SSBP4: variants seen among roughly 807,000 people sequenced by gnomAD.
SSBP4 encodes single-stranded DNA-binding protein 4.
A neutral mutation model predicts 64.6 loss-of-function variants in SSBP4; 33 were observed. The observed-to-expected ratio is 0.51, with a 90% CI of 0.39 to 0.68. SSBP4 has a LOEUF of 0.68. Among genes scored for constraint, SSBP4 ranks in the 30% least tolerant of loss-of-function variants. SSBP4 has a pLI of 0.00. For missense variants in SSBP4, 583 were observed against 566.8 expected (o/e 1.03, Z -0.29); for synonymous variants, 243 against 224.0 (o/e 1.08, Z -0.76).
At chr19:18,429,588 C>A (rs1331179950) in intron 4 of SSBP4, among the ~76,000 whole-genome samples, 3 of 151,864 alleles carry the variant, frequency 2.0e-5, no homozygotes, top group Admixed American at 2.0e-4. Flanking sequence ...GGTGCCCCCT[C>A]CCCACCCTCG....
chr19:18,428,056 T>TGGGGGGCGTGGGGGGGGGTTGGGGGGGG, intron 4 of SSBP4, 74 bp downstream of exon 4: 4 of 444,260 alleles, frequency 9.0e-6, no homozygotes, highest in Non-Finnish European at 1.5e-5. Context: ...GGAGGTGGGG[T>TGGGGGGCGTGGGGGGGGGTTGGGGGGGG]GGGGGGCTGC....
At chr19:18,411,432 T>C in the SSBP4 span, among the ~76,000 whole-genome samples, 1 of 151,064 alleles carries the variant, frequency 6.6e-6, no homozygotes, top group Admixed American at 6.6e-5. Context: ...GAGAGGGAGG[T>C]TGCAGTGAGT....
At position 18,419,418 on chromosome 19, in the gene SSBP4, C is replaced by T; in HGVS notation, c.-231C>T. The T allele has an allele frequency of 1.9e-6, 2 of 1,039,102 alleles. No homozygotes were observed. Among genetic ancestry groups the T allele is most frequent in the Non-Finnish European group, 2.3e-6 (2 of 866,874 alleles). 64.4% of individuals were successfully genotyped at this position (1,039,102 alleles called of 1,614,324 possible). A position where few individuals can be genotyped will look rare whatever the true frequency, so the allele number is the denominator to read the frequency against. On this transcript the variant is annotated 5_prime_UTR_variant, in exon 1 of 18. Transcript: ENST00000270061. The stretch of plus-strand genomic sequence containing the variant: ...CGCGCGTTTCCCGGAACAGCCCGCG[C>T]GGAGGAAAGGGAGGAAAAAAAGCCA...
chr19:18,413,371 C>T, the SSBP4 span, among the ~76,000 whole-genome samples: 1 of 151,992 alleles, frequency 6.6e-6, no homozygotes, highest in Admixed American at 6.6e-5. Flanking sequence ...CGCCACCACG[C>T]CTGGCTAATT....
At chr19:18,405,855 G>C in the SSBP4 span, among the ~76,000 whole-genome samples, 1 of 152,094 alleles carries the variant, frequency 6.6e-6, no homozygotes, top group Non-Finnish European at 1.5e-5. Flanking sequence ...GTTAAGCGTG[G>C]TGGCGTGCGC....
the SSBP4 span, among the ~76,000 whole-genome samples, chr19:18,407,989 C>T: frequency 0.05 from 7,576 of 152,290 alleles, 659 homozygotes; most frequent in African/African-American, 0.17. Context: ...AAGCAACCCT[C>T]CTGCCTTGGC....
the SSBP4 span, among the ~76,000 whole-genome samples, chr19:18,411,233 C>T: frequency 2.0e-5 from 3 of 152,318 alleles, no homozygotes; most frequent in Middle Eastern, 3.4e-3. Context: ...GGGCTCACGC[C>T]TGTAATCTCA....
chr19:18,415,416 G>GC (rs926302655), upstream of SSBP4, among the ~76,000 whole-genome samples: 13 of 152,076 alleles, frequency 8.5e-5, no homozygotes, highest in Non-Finnish European at 1.3e-4. Context: ...GTACTCGTGG[G>GC]CCCCCCCACT....
In SSBP4 at chr19:18,433,199, T is replaced by A. The variant is rs766072525; in HGVS notation, c.977T>A (p.Val326Glu). ...ATGAGCGCGATGGAGCCTCACCACG[T>A]GAACGGATCCCTGGGTGAGTGGGCG... ...AAMSAMEPHH[V>E]NGSLGSGDMD... is the part of the protein sequence containing the mutation. The change falls in exon 15 of 18, where the codon GTG (valine) becomes GAG (glutamate). Residue 326 changes from valine (V) to glutamate (E), a missense_variant. Transcript: ENST00000270061. The A allele has an allele frequency of 3.2e-6, 5 of 1,573,988 alleles. No individual in the cohort carries two copies. The South Asian group carries it at 5.7e-5, about 18-fold the overall frequency.
At chr19:18,412,796 G>A in the SSBP4 span, among the ~76,000 whole-genome samples, 2 of 152,206 alleles carry the variant, frequency 1.3e-5, no homozygotes, top group Non-Finnish European at 2.9e-5. Flanking sequence ...AGCCCGGGAG[G>A]TGGAGGCTGC....
Position 18,419,534 on chromosome 19 carries a change from C to A in SSBP4, c.-115C>A. 8.8e-7 allele frequency: 1 copy of A among 1,133,668 alleles called. No homozygotes were observed. The highest frequency in any genetic ancestry group is 1.1e-6 in the Non-Finnish European group (1 of 923,606). 70.2% of individuals were successfully genotyped at this position (1,133,668 alleles called of 1,614,324 possible). A position where few individuals can be genotyped will look rare whatever the true frequency, so the allele number is the denominator to read the frequency against. On this transcript the variant is annotated 5_prime_UTR_variant, in exon 1 of 18. Transcript: ENST00000270061. ...CCGCGCGGACGATGCCTGCCGTGCC[C>A]GCCTGGGGCTCGGGGCGGTGAGGCC...
At chr19:18,419,229 A>C (rs1600275088), upstream of SSBP4, 3 of 987,930 alleles carry the variant, frequency 3.0e-6, no homozygotes, top group Admixed American at 1.2e-4. Context: ...CGGGATCCTG[A>C]CCCGCGAGTG....
chr19:18,427,695 G>A lies in SSBP4; in HGVS notation c.133-57G>A. ...CCAGATGTTCTCTGGGCACCCTGCT[G>A]GGTGGTGGGGCAGGGTCAGGTAGGG... On this transcript the variant is annotated intron_variant, in intron 2 of 17. Transcript: ENST00000270061. The surrounding 1 kb of genome is among the most constrained non-coding windows in gnomAD (Gnocchi z 4.4). The A allele has an allele frequency of 1.3e-6, 2 of 1,528,136 alleles. No individual in the cohort carries two copies. The highest frequency in any genetic ancestry group is 4.5e-5 in the East Asian group (2 of 43,988). The allele number at this position is 1,528,136 out of a possible 1,614,324, so 94.7% of individuals were successfully genotyped here. A position where few individuals can be genotyped will look rare whatever the true frequency, so the allele number is the denominator to read the frequency against.
At position 18,433,200 on chromosome 19, in the gene SSBP4, G is replaced by T; in HGVS notation, c.978G>T (p.Val326=). The change falls in exon 15 of 18, where the codon GTG becomes GTT. Residue 326 remains valine (V), a synonymous_variant. Transcript: ENST00000270061. Reference sequence around the variant, plus strand: ...TGAGCGCGATGGAGCCTCACCACGTGAACGGATCCCTGGGTGAGTGGGCGT... The same window carrying T: ...TGAGCGCGATGGAGCCTCACCACGTTAACGGATCCCTGGGTGAGTGGGCGT... ...AAMSAMEPHH[V]NGSLGSGDMD... is the part of the protein sequence containing the mutation. 1 of 1,573,190 alleles carries T rather than the reference G, an allele frequency of 6.4e-7. No homozygotes were observed. The highest frequency in any genetic ancestry group is 8.6e-7 in the Non-Finnish European group (1 of 1,160,134).
At chr19:18,405,298 C>T in the SSBP4 span, among the ~76,000 whole-genome samples, 1 of 152,170 alleles carries the variant, frequency 6.6e-6, no homozygotes, top group African/African-American at 2.4e-5. Flanking sequence ...CCCCAGCCTC[C>T]TCCTTCCTGG....
chr19:18,421,640 T>C (rs915518555), intron 1 of SSBP4, among the ~76,000 whole-genome samples: 2 of 152,150 alleles, frequency 1.3e-5, no homozygotes, highest in African/African-American at 4.8e-5. Context: ...GGTGAGGGGA[T>C]GTCAGGTGGA....
Position 18,427,327 on chromosome 19 carries a change from C to T in SSBP4, c.60-24C>T. 6.2e-7 allele frequency: 1 copy of T among 1,606,644 alleles called. No individual in the cohort carries two copies. Among genetic ancestry groups the T allele is most frequent in the Non-Finnish European group, 8.5e-7 (1 of 1,179,380 alleles). ...GCCCTTGCCTTGGAGAGTCTGAGCT[C>T]CCTGGGCCGCCTCGCCCCCACAGGT... On this transcript the variant is annotated intron_variant, in intron 1 of 17. Coordinates refer to ENST00000270061, the MANE Select transcript of SSBP4 (RefSeq NM_032627.5). This position sits in a 1 kb window ranked among gnomAD's most constrained non-coding sequence, Gnocchi z 4.4.
chr19:18,415,525 G>C (rs1972125082), upstream of SSBP4, among the ~76,000 whole-genome samples: 1 of 152,184 alleles, frequency 6.6e-6, no homozygotes, highest in East Asian at 1.9e-4. Flanking sequence ...TCCAACTAGG[G>C]ACTGTGCGGA....
rs748161086 is a variant in SSBP4 at position 18,431,683 on chromosome 19, C to T, written c.472C>T (p.Pro158Ser). The T allele has an allele frequency of 3.2e-6, 5 of 1,552,860 alleles. No individual in the cohort carries two copies. The highest frequency in any genetic ancestry group is 1.4e-5 in the African/African-American group (1 of 73,326). ...MSPRFPGGPR[P>S]TLRMPSQPPA... ...ACCGCGCTTCCCAGGGGGCCCCCGG[C>T]CCACCCTGCGGATGCCGAGTCAGGT... The change falls in exon 7 of 18, where the codon CCC becomes TCC. Residue 158 changes from proline to serine, a missense_variant. By Grantham distance (74) the Pro-to-Ser change is moderately conservative. Coordinates refer to ENST00000270061, the MANE Select transcript of SSBP4 (RefSeq NM_032627.5).
Sources: gnomAD v4.1 joint callset for allele counts (sites outside exome capture counted in the v4.1 genomes callset) on GRCh38, gnomAD v4.1.1 for gene constraint, Gnocchi (gnomAD v3.1) non-coding constraint, MANE v1.5 for transcripts, NCBI Gene and HGNC (gene_info 2026-07-23, HGNC 2026-07-21) for gene names.